Variants in BAHCC1 observed in about 807,000 individuals in gnomAD.
BAHCC1 encodes BAH and coiled-coil domain-containing protein 1.
BAHCC1 carries 43 observed loss-of-function variants against 88.2 expected under a neutral mutation model. That is an observed-to-expected ratio of 0.49 (90% confidence interval 0.38 to 0.63). BAHCC1 has a LOEUF of 0.63. Ranked by LOEUF, BAHCC1 falls within the 20% of genes least tolerant of loss-of-function variation. The pLI is 0.00. For missense variants in BAHCC1, 3,023 were observed against 1,654.8 expected, an observed-to-expected ratio of 1.83 and a Z score of -14.34; for synonymous variants, 1,510 against 745.5, an observed-to-expected ratio of 2.03 and a Z score of -16.71.
At chr17:81,409,032 G>C (rs1281407223) in intron 2 of BAHCC1, among the ~76,000 whole-genome samples, 1 of 152,262 alleles carries the variant, frequency 6.6e-6, no homozygotes, top group Non-Finnish European at 1.5e-5. Flanking sequence ...CACCGGAAAA[G>C]ATGAACGATT....
At chr17:81,455,458 A>G (rs1453016957) in intron 15 of BAHCC1, 68 bp downstream of exon 15, 7 of 691,230 alleles carry the variant, frequency 1.0e-5, no homozygotes, top group Admixed American at 2.0e-5. Context: ...CCTGGCAGGT[A>G]GCAGACTCTC....
chr17:81,401,406 C>T (rs1271913666), intron 2 of BAHCC1: 2 of 152,650 alleles, frequency 1.3e-5, no homozygotes, highest in African/African-American at 4.8e-5. Flanking sequence ...CTTTTTTCTC[C>T]TCTAGATTTG....
chr17:81,432,149 G>A (rs1397145142), intron 3 of BAHCC1, among the ~76,000 whole-genome samples: 6 of 152,152 alleles, frequency 3.9e-5, no homozygotes, highest in African/African-American at 9.7e-5. Context: ...CTTCCCTCCC[G>A]TGTCCTGCAG....
At chr17:81,407,642 C>T (rs1184251822) in intron 2 of BAHCC1, among the ~76,000 whole-genome samples, 3 of 152,200 alleles carry the variant, frequency 2.0e-5, no homozygotes, top group Non-Finnish European at 2.9e-5. Flanking sequence ...CAGACATTGC[C>T]GCCTGGCAGG....
chr17:81,457,352 A>G, intron 16 of BAHCC1, 58 bp from the exon 17 acceptor site: 3 of 719,334 alleles, frequency 4.2e-6, no homozygotes, highest in Non-Finnish European at 7.7e-6. Flanking sequence ...CACCTCCCCC[A>G]CCTCTCAATG....
chr17:81,403,607 C>G (rs1011371115), intron 2 of BAHCC1, among the ~76,000 whole-genome samples: 1 of 152,128 alleles, frequency 6.6e-6, no homozygotes, highest in Non-Finnish European at 1.5e-5. Context: ...TCTCCCTCAT[C>G]ATGTGATATT....
intron 3 of BAHCC1, among the ~76,000 whole-genome samples, chr17:81,437,772 G>A (rs2064356070): frequency 6.6e-6 from 1 of 152,238 alleles, no homozygotes; most frequent in African/African-American, 2.4e-5. Flanking sequence ...CCTGTGCAAG[G>A]AACTCTTTGC....
Position 81,399,765 on chromosome 17 carries a change from C to T in BAHCC1, c.26C>T (p.Pro9Leu), listed in dbSNP as rs1186483523. ...ATGGATGGCCGCGACTTTGCGCCGC[C>T]GCCGCATCTGCTGTCGGAGCGCGGG... is the stretch of plus-strand genomic sequence containing the variant. MDGRDFAP[P>L]PHLLSERGSL... Residue 9 changes from proline to leucine, a missense_variant, in exon 2 of 28, where the codon CCG (proline) becomes CTG (leucine). Coordinates refer to ENST00000675386, the MANE Select transcript of BAHCC1 (RefSeq NM_001377448.1). This position sits in a 1 kb window ranked among gnomAD's most constrained non-coding sequence, Gnocchi z 4.5. 3.3e-6 allele frequency: 4 copies of T among 1,205,620 alleles called. No individual in the cohort carries two copies. Among genetic ancestry groups the T allele is most frequent in the Non-Finnish European group, 4.1e-6 (4 of 971,350 alleles). 74.7% of individuals were successfully genotyped at this position (1,205,620 alleles called of 1,614,324 possible).
rs781831555 is a variant in BAHCC1, at chr17:81,442,099, C to A, written c.750C>A (p.His250Gln). 2.8e-5 allele frequency: 20 copies of A among 702,096 alleles called. No individual in the cohort carries two copies. The East Asian group carries it at 5.2e-4, about 18-fold the overall frequency. 43.5% of individuals were successfully genotyped at this position (702,096 alleles called of 1,614,324 possible). A position where few individuals can be genotyped will look rare whatever the true frequency, so the allele number is the denominator to read the frequency against. The change falls in exon 5 of 28, where the codon CAC becomes CAA. Residue 250 changes from histidine (H) to glutamine (Q), a missense_variant. Physicochemically the swap from His to Gln is conservative, Grantham distance 24. Transcript: ENST00000675386. ...AGGAGGACGGTGGCAAGGAGCGGCACAAGCTGGTGCTGCCCGTGCCAGCCG... is the reference window on the plus strand; with the variant it reads ...AGGAGGACGGTGGCAAGGAGCGGCAAAAGCTGGTGCTGCCCGTGCCAGCCG... ...AAEEDGGKER[H>Q]KLVLPVPADG...
chr17:81,461,521 C>T lies in BAHCC1; in HGVS notation c.6858C>T (p.Ser2286=), dbSNP rs782076249. Residue 2286 remains serine, a synonymous_variant, in exon 26 of 28, where the codon AGC becomes AGT. Coordinates refer to ENST00000675386, the MANE Select transcript of BAHCC1 (RefSeq NM_001377448.1). The stretch of plus-strand genomic sequence containing the variant: ...CAGAGTTCCCGCTGCCCTACGACAG[C>T]GACTGCCACAGCTCCTTCTCGGACG... ...GQAEFPLPYD[S]DCHSSFSDED... 19 of 738,288 alleles carry T rather than the reference C, an allele frequency of 2.6e-5. No homozygotes were observed. The East Asian group carries it at 3.8e-4, about 15-fold the overall frequency. 45.7% of individuals were successfully genotyped at this position (738,288 alleles called of 1,614,324 possible). A position where few individuals can be genotyped will look rare whatever the true frequency, so the allele number is the denominator to read the frequency against.
chr17:81,454,487 G>A (rs2064706630), intron 14 of BAHCC1, among the ~76,000 whole-genome samples: 1 of 152,190 alleles, frequency 6.6e-6, no homozygotes, highest in Admixed American at 6.5e-5. Context: ...CCTGAGCCCG[G>A]CAACGGGGTC....
chr17:81,404,930 T>G (rs1227979749), intron 2 of BAHCC1, among the ~76,000 whole-genome samples: 17 of 152,154 alleles, frequency 1.1e-4, no homozygotes, highest in African/African-American at 4.1e-4. Flanking sequence ...TTGGGGTGCC[T>G]CCTCTCTGCG....
At chr17:81,431,733 C>G (rs927493791) in intron 3 of BAHCC1, among the ~76,000 whole-genome samples, 1 of 152,212 alleles carries the variant, frequency 6.6e-6, no homozygotes, top group African/African-American at 2.4e-5. Context: ...CATTTTACAG[C>G]TGAGGAAACT....
chr17:81,417,172 C>G (rs2064043023), intron 2 of BAHCC1, among the ~76,000 whole-genome samples: 2 of 152,168 alleles, frequency 1.3e-5, no homozygotes, highest in Non-Finnish European at 2.9e-5. Flanking sequence ...CCCCTGACAT[C>G]TTCACCGGGG....
intron 1 of BAHCC1, among the ~76,000 whole-genome samples, chr17:81,397,410 A>C (rs8074440): frequency 0.64 from 94,549 of 147,512 alleles, 31,026 homozygotes; most frequent in East Asian, 0.98. Context: ...AAAAAAAAAA[A>C]AACAACCACA....
chr17:81,447,622 C>T lies in BAHCC1; in HGVS notation c.3750C>T (p.Asn1250=), dbSNP rs1555654933. 1.7e-5 allele frequency: 13 copies of T among 744,646 alleles called. No homozygotes were observed. Among genetic ancestry groups the T allele is most frequent in the Non-Finnish European group, 3.2e-5 (13 of 401,016 alleles). The allele number at this position is 744,646 out of a possible 1,614,324, so 46.1% of individuals were successfully genotyped here. The stretch of plus-strand genomic sequence containing the variant: ...AGGACTGTGGCGGAGCTCCCGACAA[C>T]AGCCACCCACCCAGGGCGCTACCAG... ...SEEDCGGAPD[N]SHPPRALPGL... Residue 1250 remains asparagine, a synonymous_variant, in exon 11 of 28, where the codon AAC becomes AAT. Transcript: ENST00000675386.
chr17:81,461,165 T>C lies in BAHCC1; in HGVS notation c.6502T>C (p.Phe2168Leu), dbSNP rs782703418. 4 of 756,252 alleles carry C rather than the reference T, an allele frequency of 5.3e-6. No homozygotes were observed. In the South Asian group the frequency reaches 5.5e-5, roughly 10 times the overall value. 46.8% of individuals were successfully genotyped at this position (756,252 alleles called of 1,614,324 possible). The change falls in exon 26 of 28, where the codon TTC becomes CTC. Residue 2168 changes from phenylalanine to leucine, a missense_variant. Coordinates refer to ENST00000675386, the MANE Select transcript of BAHCC1 (RefSeq NM_001377448.1). ...CAGCCTGGCCAGCTCCTACGCGCCC[T>C]TCGTCGGGGGGACCGGGCCGGGCCT... is the stretch of plus-strand genomic sequence containing the variant. Reference protein sequence around the residue: ...FSSLASSYAPFVGGTGPGLPR... With the variant: ...FSSLASSYAPLVGGTGPGLPR...
At position 81,461,526 on chromosome 17, in the gene BAHCC1, G is replaced by A; in HGVS notation, c.6863G>A (p.Cys2288Tyr). ...TTCCCGCTGCCCTACGACAGCGACT[G>A]CCACAGCTCCTTCTCGGACGAGGAC... ...AEFPLPYDSDCHSSFSDEDED... is the reference protein window; with the variant it reads ...AEFPLPYDSDYHSSFSDEDED... Residue 2288 changes from cysteine to tyrosine, a missense_variant, in exon 26 of 28, where the codon TGC (cysteine) becomes TAC (tyrosine). By Grantham distance (194) the Cys-to-Tyr change is radical (BLOSUM62 -2). Coordinates refer to ENST00000675386, the MANE Select transcript of BAHCC1 (RefSeq NM_001377448.1). 1.4e-6 allele frequency: 1 copy of A among 737,452 alleles called. No homozygotes were observed. The allele number at this position is 737,452 out of a possible 1,614,324, so 45.7% of individuals were successfully genotyped here. A position where few individuals can be genotyped will look rare whatever the true frequency, so the allele number is the denominator to read the frequency against.
intron 10 of BAHCC1, among the ~76,000 whole-genome samples, chr17:81,446,010 G>A (rs534582309): frequency 1.1e-4 from 16 of 152,334 alleles, no homozygotes; most frequent in African/African-American, 3.6e-4. Context: ...TGGGGGCACT[G>A]GGCATGGGAC....
Sources: allele counts gnomAD v4.1 joint callset (sites outside exome capture counted in the v4.1 genomes callset), GRCh38; gene constraint gnomAD v4.1.1; non-coding constraint Gnocchi (gnomAD v3.1); transcripts MANE v1.5; gene names NCBI Gene and HGNC (gene_info 2026-07-23, HGNC 2026-07-21).